Variants in CDH22 observed in about 807,000 individuals in gnomAD.
The protein encoded by CDH22 is cadherin 22.
In CDH22, 30 loss-of-function variants were observed where a neutral mutation model predicts 58.4. The observed-to-expected ratio is 0.51, with a 90% confidence interval of 0.38 to 0.70. The LOEUF (loss-of-function observed/expected upper bound fraction) is 0.70. Among genes scored for constraint, CDH22 ranks in the 30% least tolerant of loss-of-function variants. The pLI is 0.00. For missense variants in CDH22, 1,014 were observed against 1,233.9 expected (o/e 0.82, Z 2.67); for synonymous variants, 513 against 558.2 (o/e 0.92, Z 1.14).
Position 46,174,716 on chromosome 20 carries a change from G to T in CDH22, c.2277C>A (p.Asp759Glu). The change falls in exon 12 of 12, where the codon GAC (aspartate) becomes GAA (glutamate). Residue 759 changes from aspartate to glutamate, a missense_variant. This residue lies in a region of CDH22 where 208 missense variants were observed against 195.2 expected (regional missense o/e 1.07). Transcript: ENST00000537909. The surrounding 1 kb of genome is among the most constrained non-coding windows in gnomAD (Gnocchi z 4.4). Reference sequence around the variant, plus strand: ...CGTAGGGCGGCACCGACAGGTCCCCGTCCGCCAGTGCCACCTTGCGGCTGA... The same window carrying T: ...CGTAGGGCGGCACCGACAGGTCCCCTTCCGCCAGTGCCACCTTGCGGCTGA... The part of the protein sequence containing the change: ...DFISRKVALA[D>E]GDLSVPPYDA... 1 of 1,555,522 alleles carries T rather than the reference G, an allele frequency of 6.4e-7. No homozygotes were observed. The highest frequency in any genetic ancestry group is 2.3e-5 in the East Asian group (1 of 42,854).
intron 1 of CDH22, among the ~76,000 whole-genome samples, chr20:46,276,458 G>A (rs2086517746): frequency 6.6e-6 from 1 of 152,194 alleles, no homozygotes; most frequent in South Asian, 2.1e-4. Context: ...TTGGATGTAG[G>A]TGGTCAGCAA....
At chr20:46,200,440 A>T (rs543224393) in intron 7 of CDH22, among the ~76,000 whole-genome samples, 230 of 144,018 alleles carry the variant, frequency 1.6e-3, no homozygotes, top group African/African-American at 5.6e-3. Flanking sequence ...CACCACGCCC[A>T]GCTAATTTTT....
intron 1 of CDH22, among the ~76,000 whole-genome samples, chr20:46,294,489 T>C (rs1364608655): frequency 1.3e-5 from 2 of 152,026 alleles, no homozygotes; most frequent in African/African-American, 2.4e-5. Flanking sequence ...CTAGCTGGGG[T>C]GTGAGAGACA....
chr20:46,232,316 C>T (rs935066546), intron 3 of CDH22, among the ~76,000 whole-genome samples: 6 of 152,164 alleles, frequency 3.9e-5, no homozygotes, highest in Non-Finnish European at 5.9e-5. Flanking sequence ...CATACATTCT[C>T]ATTCCAGCCC....
At chr20:46,307,943 C>T (rs1405123005) in intron 1 of CDH22, among the ~76,000 whole-genome samples, 1 of 151,868 alleles carries the variant, frequency 6.6e-6, no homozygotes, top group Non-Finnish European at 1.5e-5. Context: ...CCGCGGGGGT[C>T]CCGGAGGCTC....
At chr20:46,255,017 T>A (rs894266911) in intron 1 of CDH22, among the ~76,000 whole-genome samples, 1 of 152,162 alleles carries the variant, frequency 6.6e-6, no homozygotes. Flanking sequence ...TATATATTTT[T>A]AAAATTTTAT....
intron 1 of CDH22, among the ~76,000 whole-genome samples, chr20:46,262,244 G>A (rs1264144113): frequency 1.3e-5 from 2 of 151,658 alleles, no homozygotes; most frequent in African/African-American, 4.9e-5. Flanking sequence ...TGGTGGAGTG[G>A]GGGCAGGATA....
intron 1 of CDH22, among the ~76,000 whole-genome samples, chr20:46,303,477 C>A (rs1315353069): frequency 6.6e-6 from 1 of 152,186 alleles, no homozygotes; most frequent in Non-Finnish European, 1.5e-5. Flanking sequence ...GCTTGCTCAC[C>A]ATTGTGTCTC....
chr20:46,213,006 C>T lies in CDH22; in HGVS notation c.1021G>A (p.Val341Ile), dbSNP rs757536133. 3.5e-5 allele frequency: 56 copies of T among 1,614,006 alleles called. No individual in the cohort carries two copies. In the Middle Eastern group the frequency reaches 4.9e-4, roughly 14 times the overall value. The change falls in exon 6 of 12, where the codon GTA becomes ATA. Residue 341 changes from valine (V) to isoleucine (I), a missense_variant. Val to Ile is a conservative substitution (Grantham distance 29). This residue lies in a region of CDH22 where 806 missense variants were observed against 1,038.7 expected (regional missense o/e 0.78). Transcript: ENST00000537909. ...TGAGGCAGCTGCACCTTCTGCACTA[C>T]GATGATGGCCTCCTGAGTGTCGCTG... The part of the protein sequence containing the change: ...TDSDTQEAII[V>I]VQKRLDFESQ...
chr20:46,213,632 C>T (rs920775455), intron 5 of CDH22, among the ~76,000 whole-genome samples: 2 of 152,180 alleles, frequency 1.3e-5, no homozygotes, highest in African/African-American at 2.4e-5. Flanking sequence ...TAGATGATGA[C>T]GCCTGTAACA....
At chr20:46,199,668 C>A in intron 7 of CDH22, 109 bp from the exon 8 acceptor site, 1 of 1,353,136 alleles carries the variant, frequency 7.4e-7, no homozygotes, top group South Asian at 1.4e-5. Flanking sequence ...CTTGGACACA[C>A]ACAAGGGGCA....
chr20:46,194,112 TCGCCGCGA>T (rs1397097697), intron 8 of CDH22, among the ~76,000 whole-genome samples: 2 of 152,302 alleles, frequency 1.3e-5, no homozygotes, highest in South Asian at 2.1e-4. Flanking sequence ...TCCTCAGGAA[TCGCCGCGA>T]CCCCATGACT....
At chr20:46,230,813 T>C (rs953837374) in intron 3 of CDH22, among the ~76,000 whole-genome samples, 1 of 152,184 alleles carries the variant, frequency 6.6e-6, no homozygotes, top group Non-Finnish European at 1.5e-5. Context: ...ACCAAACTCG[T>C]GGATCACTGT....
intron 1 of CDH22, among the ~76,000 whole-genome samples, chr20:46,261,063 G>C (rs2086430984): frequency 6.6e-6 from 1 of 152,190 alleles, no homozygotes; most frequent in Non-Finnish European, 1.5e-5. Flanking sequence ...CAGAGTTTGA[G>C]TTCCAGTTCC....
intron 1 of CDH22, among the ~76,000 whole-genome samples, chr20:46,291,146 A>T (rs2086600434): frequency 6.6e-6 from 1 of 152,278 alleles, no homozygotes; most frequent in South Asian, 2.1e-4. Context: ...ATGTGGTGGC[A>T]TGTGCCTGTA....
At chr20:46,206,751 C>T (rs1026405691) in intron 7 of CDH22, among the ~76,000 whole-genome samples, 2 of 152,144 alleles carry the variant, frequency 1.3e-5, no homozygotes, top group Non-Finnish European at 2.9e-5. Flanking sequence ...TCCATTTAAC[C>T]ATTTGCTGTC....
chr20:46,202,480 A>T (rs1161051000), intron 7 of CDH22, among the ~76,000 whole-genome samples: 1 of 151,522 alleles, frequency 6.6e-6, no homozygotes, highest in East Asian at 1.9e-4. Flanking sequence ...CAGACTCCTG[A>T]GTAGCTGGGA....
At chr20:46,221,896 G>A (rs369948913) in intron 4 of CDH22, among the ~76,000 whole-genome samples, 17 of 152,136 alleles carry the variant, frequency 1.1e-4, no homozygotes, top group African/African-American at 3.4e-4. Flanking sequence ...GACTTCATCC[G>A]TTCACTCATT....
intron 1 of CDH22, among the ~76,000 whole-genome samples, chr20:46,272,540 G>A (rs1423434669): frequency 6.6e-6 from 1 of 152,240 alleles, no homozygotes; most frequent in East Asian, 1.9e-4. Context: ...AGATGAAATA[G>A]GGGAGGAGAA....
Sources: allele counts gnomAD v4.1 joint callset (sites outside exome capture counted in the v4.1 genomes callset), GRCh38; gene constraint gnomAD v4.1.1; regional missense constraint gnomAD v4.1.1; non-coding constraint Gnocchi (gnomAD v3.1); transcripts MANE v1.5; gene names NCBI Gene and HGNC (gene_info 2026-07-23, HGNC 2026-07-21).